Variants in BCAS3 observed in about 807,000 individuals in gnomAD.
The protein encoded by BCAS3 is BCAS4/BCAS3 fusion.
Under a neutral mutation model 116.1 loss-of-function variants are expected in BCAS3, and 53 were observed. That is an observed-to-expected ratio of 0.46 (90% CI 0.37 to 0.57). The LOEUF (loss-of-function observed/expected upper bound fraction) is 0.57, where lower values mean the gene tolerates loss of function less well. BCAS3 is among the 20% of genes least tolerant of loss of function. The pLI, the probability that BCAS3 is intolerant of heterozygous loss-of-function variation, is 0.00. For synonymous variants in BCAS3, 391 were observed against 408.2 expected (o/e 0.96, Z 0.51); for missense variants, 917 against 1,165.4 (o/e 0.79, Z 3.10).
rs1555861730 is a variant in BCAS3, at chr17:61,375,246, G to GTGTGTGCGCGCGCGCGCGCGCACA, written c.2593+6758_2593+6759insCGCGCGCGCGCGCGCACATGTGTG. Among the ~76,000 whole-genome samples, 1,285 of 150,776 alleles carry GTGTGTGCGCGCGCGCGCGCGCACA rather than the reference G, an allele frequency of 8.5e-3. 24 individuals carry two copies. The highest frequency in any genetic ancestry group is 0.03 in the African/African-American group (1,196 of 40,268). ...TGTGTGTGTGTGTGTGTGTGTGTGT[G>GTGTGTGCGCGCGCGCGCGCGCACA]TGTGTGTGTACTAATAAAGTCTTTC... is the stretch of plus-strand genomic sequence containing the variant. On this transcript the variant is annotated intron_variant, in intron 23 of 23. Transcript: ENST00000407086.
chr17:60,799,524 G>GTTTTTTTTT (rs869112996), intron 6 of BCAS3, among the ~76,000 whole-genome samples: 11 of 102,376 alleles, frequency 1.1e-4, no homozygotes, highest in African/African-American at 2.2e-4. Context: ...ATTAGTGTTT[G>GTTTTTTTTT]TTTTTTTTTT....
At chr17:61,236,598 G>A (rs1184710101) in intron 22 of BCAS3, among the ~76,000 whole-genome samples, 2 of 152,172 alleles carry the variant, frequency 1.3e-5, no homozygotes, top group African/African-American at 2.4e-5. Flanking sequence ...GGGATTACAG[G>A]CGTGAGCCAC....
At chr17:61,185,623 AT>A (rs1313266828) in intron 22 of BCAS3, among the ~76,000 whole-genome samples, 1 of 152,156 alleles carries the variant, frequency 6.6e-6, no homozygotes, top group African/African-American at 2.4e-5. Flanking sequence ...CTTTAATTGA[AT>A]TAAGATGGAC....
intron 5 of BCAS3, among the ~76,000 whole-genome samples, chr17:60,730,550 G>A (rs572107690): frequency 6.6e-6 from 1 of 152,148 alleles, no homozygotes; most frequent in Non-Finnish European, 1.5e-5. Flanking sequence ...AATCATTTGT[G>A]GTTAGGCAGG....
chr17:61,260,742 T>C (rs558805607), intron 22 of BCAS3, among the ~76,000 whole-genome samples: 119 of 152,358 alleles, frequency 7.8e-4, no homozygotes, highest in Non-Finnish European at 1.6e-3. Context: ...TAACATAGTT[T>C]AGTAAACCGA....
At chr17:61,042,909 A>G (rs945968109) in intron 19 of BCAS3, among the ~76,000 whole-genome samples, 1 of 148,740 alleles carries the variant, frequency 6.7e-6, no homozygotes, top group Non-Finnish European at 1.5e-5. Flanking sequence ...AAAAAAAAAA[A>G]AAAAAAGAAA....
At chr17:60,770,034 A>G (rs868069638) in intron 6 of BCAS3, among the ~76,000 whole-genome samples, 3 of 152,018 alleles carry the variant, frequency 2.0e-5, no homozygotes, top group Non-Finnish European at 1.5e-5. Context: ...CGGCCTCCCA[A>G]AGTGCTGGGA....
intron 14 of BCAS3, among the ~76,000 whole-genome samples, chr17:60,949,655 G>A (rs1196242120): frequency 2.0e-5 from 3 of 152,254 alleles, no homozygotes; most frequent in South Asian, 2.1e-4. Context: ...CATACAATGC[G>A]TAATGATCTC....
At chr17:61,060,091 GA>G (rs1248060693) in intron 19 of BCAS3, among the ~76,000 whole-genome samples, 1 of 151,988 alleles carries the variant, frequency 6.6e-6, no homozygotes, top group Non-Finnish European at 1.5e-5. Context: ...ATACAGTAAT[GA>G]AAGTAAACCA....
At position 61,228,418 on chromosome 17, in the gene BCAS3, A is replaced by C. The variant is rs2082485356; in HGVS notation, c.2426-139909A>C. The stretch of plus-strand genomic sequence containing the variant: ...TTTAAAAGCACTAAAGTATAGGCAC[A>C]CCTCATTTTACTGCATTTTGCTTGA... On this transcript the variant is annotated intron_variant, in intron 22 of 23. Coordinates refer to ENST00000407086, the MANE Select transcript of BCAS3 (RefSeq NM_017679.5). This position sits in a 1 kb window ranked among gnomAD's most constrained non-coding sequence, Gnocchi z 5.0. 2.0e-5 allele frequency among the ~76,000 whole-genome samples: 3 copies of C among 152,182 alleles called. No individual in the cohort carries two copies. In the South Asian group the frequency reaches 6.2e-4, roughly 32 times the overall value.
intron 6 of BCAS3, among the ~76,000 whole-genome samples, chr17:60,787,798 C>T (rs145487199): frequency 2.2e-3 from 331 of 152,058 alleles, no homozygotes; most frequent in African/African-American, 7.2e-3. Context: ...ATTACTGAGG[C>T]AGGGGTGTGT....
At position 61,368,972 on chromosome 17, in the gene BCAS3, C is replaced by G. The variant is rs1268322405; in HGVS notation, c.2593+478C>G. ...GCTGCCTTTGGCCTTGCATTCTTGCCTCTGAGCGAGTCCAGCAACTAGGGT... is the reference window on the plus strand; with the variant it reads ...GCTGCCTTTGGCCTTGCATTCTTGCGTCTGAGCGAGTCCAGCAACTAGGGT... On this transcript the variant is annotated intron_variant, in intron 23 of 23. Coordinates refer to ENST00000407086, the MANE Select transcript of BCAS3 (RefSeq NM_017679.5). The surrounding 1 kb of genome is among the most constrained non-coding windows in gnomAD (Gnocchi z 6.0). Among the ~76,000 whole-genome samples the G allele has an allele frequency of 1.3e-5, 2 of 152,128 alleles. No individual in the cohort carries two copies. Among genetic ancestry groups the G allele is most frequent in the Non-Finnish European group, 2.9e-5 (2 of 68,030 alleles).
chr17:61,294,105 A>C (rs1399821547), intron 22 of BCAS3, among the ~76,000 whole-genome samples: 1 of 152,226 alleles, frequency 6.6e-6, no homozygotes, highest in African/African-American at 2.4e-5. Context: ...ATAGTTAAGC[A>C]ATAGAGTATT....
chr17:60,923,157 TC>T (rs2059192103), intron 12 of BCAS3, among the ~76,000 whole-genome samples: 1 of 152,164 alleles, frequency 6.6e-6, no homozygotes, highest in African/African-American at 2.4e-5. Context: ...TTTGAAAAGA[TC>T]AATATAATCA....
rs1416783755 is a variant in BCAS3, at chr17:61,324,031, C to A, written c.2426-44296C>A. On this transcript the variant is annotated intron_variant, in intron 22 of 23. Transcript: ENST00000407086. This position sits in a 1 kb window ranked among gnomAD's most constrained non-coding sequence, Gnocchi z 4.6. Reference sequence around the variant, plus strand: ...GGGATTTCCAGCTGGAATCCTCACACTTCTTTGGCTGGAGCCGCCTTCCTC... The same window carrying A: ...GGGATTTCCAGCTGGAATCCTCACAATTCTTTGGCTGGAGCCGCCTTCCTC... Among the ~76,000 whole-genome samples, 3 of 152,234 alleles carry A rather than the reference C, an allele frequency of 2.0e-5. No homozygotes were observed. In the East Asian group the frequency reaches 5.8e-4, roughly 29 times the overall value.
Position 61,392,052 on chromosome 17 carries a change from T to C in BCAS3, c.2669T>C (p.Phe890Ser). The part of the protein sequence containing the change: ...GSTSGSIPRN[F>S]DGYRSPLPTN... ...ACCAGCGGCAGCATACCAAGAAACT[T>C]TGATGGCTACCGATCTCCGCTGCCC... Residue 890 changes from phenylalanine (F) to serine (S), a missense_variant, in exon 24 of 24, where the codon TTT becomes TCT. Physicochemically the swap from Phe to Ser is radical, Grantham distance 155. This residue lies in a region of BCAS3 where 109 missense variants were observed against 122.8 expected (regional missense o/e 0.89). Coordinates refer to ENST00000407086, the MANE Select transcript of BCAS3 (RefSeq NM_017679.5). This position sits in a 1 kb window ranked among gnomAD's most constrained non-coding sequence, Gnocchi z 6.4. 2.5e-6 allele frequency: 4 copies of C among 1,613,780 alleles called. No individual in the cohort carries two copies. Among genetic ancestry groups the C allele is most frequent in the African/African-American group, 1.3e-5 (1 of 74,982 alleles).
intron 23 of BCAS3, among the ~76,000 whole-genome samples, chr17:61,385,071 A>G (rs1370116194): frequency 6.6e-6 from 1 of 152,188 alleles, no homozygotes; most frequent in Non-Finnish European, 1.5e-5. Flanking sequence ...GGTCTCTGAC[A>G]AGGCTGTCAG....
Position 60,993,986 on chromosome 17 carries a change from G to T in BCAS3, c.1486+3751G>T, listed in dbSNP as rs1049756654. Among the ~76,000 whole-genome samples the T allele has an allele frequency of 3.3e-5, 5 of 151,812 alleles. No homozygotes were observed. The highest frequency in any genetic ancestry group is 6.6e-5 in the Admixed American group (1 of 15,242). On this transcript the variant is annotated intron_variant, in intron 15 of 23. Coordinates refer to ENST00000407086, the MANE Select transcript of BCAS3 (RefSeq NM_017679.5). This position sits in a 1 kb window ranked among gnomAD's most constrained non-coding sequence, Gnocchi z 4.2. Reference sequence around the variant, plus strand: ...GCCTGAACATCCACTTAGTCTACTTGAGGACTTCTTGTGATCCATGAACAG... The same window carrying T: ...GCCTGAACATCCACTTAGTCTACTTTAGGACTTCTTGTGATCCATGAACAG...
chr17:60,701,998 G>A (rs1203931736), intron 4 of BCAS3, among the ~76,000 whole-genome samples: 1 of 151,530 alleles, frequency 6.6e-6, no homozygotes, highest in Non-Finnish European at 1.5e-5. Flanking sequence ...AGAAAGAAAA[G>A]TATGTCTCTC....
Sources: gnomAD v4.1 joint callset for allele counts (sites outside exome capture counted in the v4.1 genomes callset) on GRCh38, gnomAD v4.1.1 for gene constraint, gnomAD v4.1.1 regional missense constraint, Gnocchi (gnomAD v3.1) non-coding constraint, MANE v1.5 for transcripts, NCBI Gene and HGNC (gene_info 2026-07-23, HGNC 2026-07-21) for gene names.